NXNL2: variants seen among roughly 807,000 people sequenced by gnomAD.
The protein encoded by NXNL2 is nucleoredoxin-like protein 2.
A neutral mutation model predicts 11.1 loss-of-function variants in NXNL2; 7 were observed. The observed-to-expected ratio is 0.63, with a 90% confidence interval of 0.36 to 1.18. NXNL2 has a LOEUF of 1.18. Among genes scored for constraint, NXNL2 ranks in the 50% most tolerant of loss-of-function variants. The pLI, the probability that NXNL2 is intolerant of heterozygous loss-of-function variation, is 0.02. For synonymous variants in NXNL2, 109 were observed against 101.8 expected, an observed-to-expected ratio of 1.07 and a Z score of -0.42; for missense variants, 233 against 217.7, an observed-to-expected ratio of 1.07 and a Z score of -0.44.
Position 88,535,742 on chromosome 9 carries a change from T to TG in NXNL2, c.302+11dup, listed in dbSNP as rs1829600702. The TG allele has an allele frequency of 1.3e-6, 2 of 1,537,838 alleles. No individual in the cohort carries two copies. The highest frequency in any genetic ancestry group is 1.7e-6 in the Non-Finnish European group (2 of 1,152,266). On this transcript the variant is annotated splice_region_variant and intron_variant, in intron 1 of 1. Coordinates refer to ENST00000375854, the MANE Select transcript of NXNL2 (RefSeq NM_001161625.2). ...TTCCACGACCCCTACCGGCAGTGAG[T>TG]GGGGGTCCTGGGGGGGCGGGGGCCG...
intron 1 of NXNL2, among the ~76,000 whole-genome samples, chr9:88,537,185 A>T (rs913181353): frequency 6.6e-6 from 1 of 152,176 alleles, no homozygotes; most frequent in Non-Finnish European, 1.5e-5. Flanking sequence ...TCCGCTGGTT[A>T]TGTCCCAGCT....
chr9:88,578,721 C>T (rs927483437), downstream of NXNL2, among the ~76,000 whole-genome samples: 2 of 152,246 alleles, frequency 1.3e-5, no homozygotes, highest in African/African-American at 4.8e-5. Context: ...GGCGCTCAGC[C>T]CCATCTCCTG....
chr9:88,552,517 G>A (rs77832471), intron 1 of NXNL2, among the ~76,000 whole-genome samples: 4,113 of 145,164 alleles, frequency 0.028, 210 homozygotes, highest in African/African-American at 0.1. Context: ...CTGTCACCCA[G>A]GCTGGAGTGC....
chr9:88,577,543 T>C (rs1038369163), downstream of NXNL2, among the ~76,000 whole-genome samples: 19 of 152,012 alleles, frequency 1.2e-4, no homozygotes, highest in Non-Finnish European at 2.5e-4. Context: ...TCAAATCTGG[T>C]TTCTGATGAA....
chr9:88,577,682 C>CTCT (rs1564078740), downstream of NXNL2, among the ~76,000 whole-genome samples: 1 of 152,102 alleles, frequency 6.6e-6, no homozygotes, highest in African/African-American at 2.4e-5. Context: ...GCATCTGTTC[C>CTCT]TCTTCTTCTA....
At chr9:88,544,314 G>T in intron 1 of NXNL2, 65 bp from the exon 2 acceptor site, 1 of 1,415,908 alleles carries the variant, frequency 7.1e-7, no homozygotes, top group Non-Finnish European at 9.7e-7. Flanking sequence ...CTGGAGGGAG[G>T]GGGCGTGTCC....
chr9:88,541,683 T>C (rs1312974226), intron 1 of NXNL2, among the ~76,000 whole-genome samples: 1 of 152,230 alleles, frequency 6.6e-6, no homozygotes, highest in African/African-American at 2.4e-5. Flanking sequence ...TCAATCTTAT[T>C]CTGCCTTCTT....
Position 88,574,054 on chromosome 9 carries a change from C to G in NXNL2, c.*17-1033C>G, listed in dbSNP as rs1297085831. On this transcript the variant is annotated intron_variant, in intron 2 of 2. Transcript: ENST00000375855. ...AACATGGTGCAGCCTCTTTGTAAAACAGTTTAGTGGTTTCTTTAAAAAGTT... is the reference window on the plus strand; with the variant it reads ...AACATGGTGCAGCCTCTTTGTAAAAGAGTTTAGTGGTTTCTTTAAAAAGTT... Among the ~76,000 whole-genome samples, 4 of 152,168 alleles carry G rather than the reference C, an allele frequency of 2.6e-5. No homozygotes were observed. In the East Asian group the frequency reaches 7.7e-4, roughly 29 times the overall value.
At chr9:88,550,895 G>C (rs1829921497) in intron 1 of NXNL2, among the ~76,000 whole-genome samples, 1 of 152,194 alleles carries the variant, frequency 6.6e-6, no homozygotes, top group African/African-American at 2.4e-5. Flanking sequence ...CTGTGGCTCA[G>C]ACTTCCTTGG....
rs535649895 is a variant in NXNL2 at position 88,583,498 on chromosome 9, G to C, written n.552-501G>C. On this transcript the variant is annotated intron_variant and non_coding_transcript_variant, in intron 1 of 1. Coordinates refer to the NXNL2 transcript ENST00000478686. ...CCGCTGGTCTCTGGTCAGCATCTGA[G>C]GGGTCTGACTGTTCACGGGTGACTC... Among the ~76,000 whole-genome samples the C allele has an allele frequency of 2.0e-5, 3 of 152,188 alleles. No homozygotes were observed. In the South Asian group the frequency reaches 6.2e-4, roughly 32 times the overall value.
Position 88,555,949 on chromosome 9 carries a change from A to G in NXNL2, c.303-15138A>G, listed in dbSNP as rs532918784. On this transcript the variant is annotated intron_variant, in intron 1 of 2. Transcript: ENST00000375855. ...GGCAGCTCTAGGTGCCAGCACAGGC[A>G]TGGGCTCCATGAAAGGCTGCAGCTG... Among the ~76,000 whole-genome samples, 82 of 152,344 alleles carry G rather than the reference A, an allele frequency of 5.4e-4. 1 individual carries two copies. The South Asian group carries it at 0.013, about 23-fold the overall frequency.
At chr9:88,566,132 T>C (rs1403574788) in intron 1 of NXNL2, among the ~76,000 whole-genome samples, 1 of 152,230 alleles carries the variant, frequency 6.6e-6, no homozygotes, top group African/African-American at 2.4e-5. Context: ...TCCCATTGCA[T>C]AGGTTGCCTT....
chr9:88,583,285 C>T (rs985011241), intron 1 of NXNL2, among the ~76,000 whole-genome samples: 2 of 152,244 alleles, frequency 1.3e-5, no homozygotes, highest in African/African-American at 4.8e-5. Flanking sequence ...TGGAGACCCA[C>T]TCAGTGTTAT....
At chr9:88,553,542 A>G (rs1373378761) in intron 1 of NXNL2, among the ~76,000 whole-genome samples, 1 of 151,826 alleles carries the variant, frequency 6.6e-6, no homozygotes, top group Admixed American at 6.6e-5. Context: ...GCATCGCTTT[A>G]TTTTTTTCTC....
downstream of NXNL2, among the ~76,000 whole-genome samples, chr9:88,547,601 G>T (rs1332713336): frequency 6.6e-6 from 1 of 152,142 alleles, no homozygotes; most frequent in Non-Finnish European, 1.5e-5. Context: ...TTTCAGTAGG[G>T]TGTCCTATGC....
At chr9:88,538,676 C>T (rs1183594041) in intron 1 of NXNL2, among the ~76,000 whole-genome samples, 1 of 152,194 alleles carries the variant, frequency 6.6e-6, no homozygotes, top group African/African-American at 2.4e-5. Context: ...CATTTCTGTA[C>T]TATTAAGTGT....
Position 88,544,519 on chromosome 9 carries a change from C to G in NXNL2, c.443C>G (p.Ala148Gly). Residue 148 changes from alanine to glycine, a missense_variant, in exon 2 of 2, where the codon GCC (alanine) becomes GGC (glycine). Physicochemically the swap from Ala to Gly is moderately conservative, Grantham distance 60. Transcript: ENST00000375854. ...LACFQDWVEAADIFQNFSV is the reference protein window; with the variant it reads ...LACFQDWVEAGDIFQNFSV Reference sequence around the variant, plus strand: ...TGCTTCCAGGACTGGGTGGAGGCGGCCGATATCTTCCAGAATTTCTCCGTT... The same window carrying G: ...TGCTTCCAGGACTGGGTGGAGGCGGGCGATATCTTCCAGAATTTCTCCGTT... The G allele has an allele frequency of 6.5e-7, 1 of 1,544,156 alleles. No individual in the cohort carries two copies. Among genetic ancestry groups the G allele is most frequent in the Non-Finnish European group, 8.7e-7 (1 of 1,143,148 alleles).
At chr9:88,562,042 A>G (rs939850965) in intron 1 of NXNL2, among the ~76,000 whole-genome samples, 1 of 152,192 alleles carries the variant, frequency 6.6e-6, no homozygotes, top group South Asian at 2.1e-4. Context: ...GAATAGCTCC[A>G]TCACCCCTCA....
At chr9:88,550,869 T>C (rs1180474341) in intron 1 of NXNL2, among the ~76,000 whole-genome samples, 1 of 152,228 alleles carries the variant, frequency 6.6e-6, no homozygotes, top group Non-Finnish European at 1.5e-5. Flanking sequence ...TTAGTTTCTG[T>C]AGGGAACCGA....
Sources: gnomAD v4.1 joint callset for allele counts (sites outside exome capture counted in the v4.1 genomes callset) on GRCh38, gnomAD v4.1.1 for gene constraint, MANE v1.5 for transcripts, NCBI Gene and HGNC (gene_info 2026-07-23, HGNC 2026-07-21) for gene names.